The following COL5A2 variants were observed in gnomAD, a reference collection of about 807,000 sequenced individuals.
COL5A2 encodes the protein collagen alpha-2(V) chain.
In COL5A2, 23 loss-of-function variants were observed where a neutral mutation model predicts 208.2. The ratio of observed to expected loss-of-function variants is 0.11; its 90% CI spans 0.08 to 0.16. COL5A2 has a LOEUF of 0.16. Ranked by LOEUF, COL5A2 falls within the 10% of genes least tolerant of loss-of-function variation. COL5A2 has a pLI of 1.00. For missense variants in COL5A2, 1,590 were observed against 1,956.4 expected, an observed-to-expected ratio of 0.81 and a Z score of 3.53; for synonymous variants, 625 against 628.5, an observed-to-expected ratio of 0.99 and a Z score of 0.08.
At chr2:189,153,887 A>G (rs1688193740) in intron 1 of COL5A2, among the ~76,000 whole-genome samples, 1 of 152,076 alleles carries the variant, frequency 6.6e-6, no homozygotes. Context: ...TTTCACTGGT[A>G]AGACGCATTT....
chr2:189,104,525 G>T (rs1687112877), intron 2 of COL5A2, among the ~76,000 whole-genome samples: 2 of 151,754 alleles, frequency 1.3e-5, no homozygotes, highest in African/African-American at 4.8e-5. Flanking sequence ...GACATTTAAA[G>T]TTCATTAAAT....
the COL5A2 span, among the ~76,000 whole-genome samples, chr2:189,341,297 G>C: frequency 6.6e-6 from 1 of 152,116 alleles, no homozygotes; most frequent in Admixed American, 6.5e-5. Context: ...TTGGTGTCTA[G>C]TAGTTGCCAC....
chr2:189,101,007 A>T (rs544876217), intron 3 of COL5A2, among the ~76,000 whole-genome samples: 63 of 152,062 alleles, frequency 4.1e-4, no homozygotes, highest in Non-Finnish European at 8.5e-4. Context: ...CTTCATTTCA[A>T]AATTTGTCTT....
chr2:189,079,921 T>G lies in COL5A2; in HGVS notation c.960+57A>C, dbSNP rs1021008709. On this transcript the variant is annotated intron_variant, in intron 14 of 53. Coordinates refer to ENST00000374866, the MANE Select transcript of COL5A2 (RefSeq NM_000393.5). ...GGTGGTTCTGAAAAATGTGTAAACA[T>G]TTGAAGCAAAACTAAGATGCCAAAG... is the stretch of plus-strand genomic sequence containing the variant. 21 of 1,440,828 alleles carry G rather than the reference T, an allele frequency of 1.5e-5. No homozygotes were observed. In the African/African-American group the frequency reaches 2.7e-4, roughly 18 times the overall value. 89.3% of individuals were successfully genotyped at this position (1,440,828 alleles called of 1,614,324 possible).
chr2:189,051,969 G>T (rs1353338140), intron 41 of COL5A2, among the ~76,000 whole-genome samples: 4 of 152,028 alleles, frequency 2.6e-5, no homozygotes, highest in South Asian at 4.2e-4. Context: ...AAAAGAACTT[G>T]CAAATTAGCT....
At chr2:189,429,687 A>G in the COL5A2 span, among the ~76,000 whole-genome samples, 23 of 152,308 alleles carry the variant, frequency 1.5e-4, no homozygotes, top group East Asian at 2.3e-3. Flanking sequence ...TAGCACTCTC[A>G]TCAGATATTT....
At chr2:189,128,658 C>G (rs1040410538) in intron 1 of COL5A2, among the ~76,000 whole-genome samples, 1 of 151,878 alleles carries the variant, frequency 6.6e-6, no homozygotes, top group Non-Finnish European at 1.5e-5. Context: ...TTTTTAGAAG[C>G]ATCTCTAGTA....
the COL5A2 span, among the ~76,000 whole-genome samples, chr2:189,393,091 A>G: frequency 2.0e-5 from 3 of 152,162 alleles, no homozygotes; most frequent in Non-Finnish European, 4.4e-5. Flanking sequence ...ATTTGCATTT[A>G]ATTAACAATG....
the COL5A2 span, among the ~76,000 whole-genome samples, chr2:189,324,849 T>C: frequency 6.6e-6 from 1 of 152,168 alleles, no homozygotes; most frequent in Admixed American, 6.5e-5. Flanking sequence ...ATCATGCTAC[T>C]ATAAAGACAC....
rs144540534 is a variant in COL5A2 at position 189,066,495 on chromosome 2, C to T, written c.1458G>A (p.Gly486=). The T allele has an allele frequency of 6.8e-6, 11 of 1,614,060 alleles. No homozygotes were observed. The highest frequency in any genetic ancestry group is 1.1e-5 in the South Asian group (1 of 91,084). The change falls in exon 23 of 54, where the codon GGG becomes GGA. Residue 486 remains glycine, a splice_region_variant and synonymous_variant. Transcript: ENST00000374866. ...CTATCGGACCCTGAATACCATGTGGCCCCTGTTAAAAACAGAAGGACAGTT... is the reference window on the plus strand; with the variant it reads ...CTATCGGACCCTGAATACCATGTGGTCCCTGTTAAAAACAGAAGGACAGTT... The part of the protein sequence containing the change: ...KGEAGPKGEP[G]PHGIQGPIGP...
At chr2:189,048,359 T>G in intron 44 of COL5A2, 97 bp from the exon 45 acceptor site, 1 of 1,040,216 alleles carries the variant, frequency 9.6e-7, no homozygotes, top group Non-Finnish European at 1.5e-6. Flanking sequence ...TACACCTGTG[T>G]TTTATAAACT....
At chr2:189,355,916 G>A in the COL5A2 span, among the ~76,000 whole-genome samples, 255 of 152,262 alleles carry the variant, frequency 1.7e-3, 1 homozygote, top group African/African-American at 5.6e-3. Context: ...GGCTGGTACC[G>A]GTTGTTCCTT....
rs751503520 is a variant in COL5A2, at chr2:189,057,365, C to T, written c.2292G>A (p.Pro764=). The change falls in exon 34 of 54, where the codon CCG becomes CCA. Residue 764 remains proline, a synonymous_variant. Coordinates refer to ENST00000374866, the MANE Select transcript of COL5A2 (RefSeq NM_000393.5). ...DTGPPGLQGM[P]GERGIAGTPG... is the part of the protein sequence containing the mutation. ...GAGTTCCTGCAATTCCTCTTTCTCC[C>T]GGCATACCTTGAAGACCTGGTGGGC... The T allele has an allele frequency of 2.5e-5, 40 of 1,613,442 alleles. No individual in the cohort carries two copies. The highest frequency in any genetic ancestry group is 6.6e-5 in the South Asian group (6 of 91,040).
chr2:189,048,313 T>C, intron 44 of COL5A2, 51 bp from the exon 45 acceptor site: 1 of 1,538,098 alleles, frequency 6.5e-7, no homozygotes, highest in Non-Finnish European at 9.0e-7. Context: ...ATGAAAAAAA[T>C]CCTCATTCCA....
At chr2:189,346,873 T>C in the COL5A2 span, among the ~76,000 whole-genome samples, 5 of 152,058 alleles carry the variant, frequency 3.3e-5, no homozygotes, top group African/African-American at 1.2e-4. Flanking sequence ...CTGAGGGAAA[T>C]GTTCAGGCAT....
intron 46 of COL5A2, 79 bp downstream of exon 46, chr2:189,045,721 G>T (rs1685652070): frequency 9.5e-7 from 1 of 1,051,464 alleles, no homozygotes; most frequent in Non-Finnish European, 1.5e-6. Flanking sequence ...GTATGACTAT[G>T]TGTGTGTGCC....
intron 30 of COL5A2, 146 bp from the exon 31 acceptor site, chr2:189,060,929 A>G (rs972785209): frequency 7.6e-6 from 5 of 655,740 alleles, no homozygotes; most frequent in Non-Finnish European, 1.4e-5. Flanking sequence ...TAAGTAAAAA[A>G]TATTGTTCAG....
chr2:189,054,867 T>G lies in COL5A2; in HGVS notation c.2392-655A>C, dbSNP rs576003802. Among the ~76,000 whole-genome samples, 21 of 151,398 alleles carry G rather than the reference T, an allele frequency of 1.4e-4. 1 individual carries two copies. The South Asian group carries it at 2.1e-3, about 15-fold the overall frequency. ...CTGAGACTACAGGCACAAGCCACTA[T>G]GCCTGACTTAGTTTTCTTCATTTTT... is the stretch of plus-strand genomic sequence containing the variant. On this transcript the variant is annotated intron_variant, in intron 35 of 53. Transcript: ENST00000374866.
chr2:189,376,964 A>G, the COL5A2 span, among the ~76,000 whole-genome samples: 2 of 152,192 alleles, frequency 1.3e-5, no homozygotes, highest in African/African-American at 4.8e-5. Flanking sequence ...ATTATAAAAT[A>G]TATTTAATAT....
Sources: allele counts gnomAD v4.1 joint callset (sites outside exome capture counted in the v4.1 genomes callset), GRCh38; gene constraint gnomAD v4.1.1; transcripts MANE v1.5; gene names NCBI Gene and HGNC (gene_info 2026-07-23, HGNC 2026-07-21).